The following ROBO2 variants were observed in gnomAD, a reference collection of about 807,000 sequenced individuals.
ROBO2 encodes roundabout homolog 2.
In ROBO2, 53 loss-of-function variants were observed where a neutral mutation model predicts 160.8. That is an observed-to-expected ratio of 0.33 (90% CI 0.26 to 0.41). ROBO2 has a LOEUF of 0.41. ROBO2 is among the 10% of genes least tolerant of loss of function. The pLI is 1.00. For synonymous variants in ROBO2, 664 were observed against 611.7 expected (o/e 1.09, Z -1.26); for missense variants, 1,577 against 1,722.4 (o/e 0.92, Z 1.49).
At chr3:76,520,190 C>T (rs1362280831) in intron 2 of ROBO2, among the ~76,000 whole-genome samples, 1 of 152,164 alleles carries the variant, frequency 6.6e-6, no homozygotes, top group Non-Finnish European at 1.5e-5. Context: ...GTGGCTCATG[C>T]CTGTAATCCC....
intron 2 of ROBO2, among the ~76,000 whole-genome samples, chr3:77,209,917 G>A (rs114269709): frequency 1.1e-3 from 170 of 152,256 alleles, no homozygotes; most frequent in African/African-American, 3.9e-3. Flanking sequence ...TGATTCTAAT[G>A]TGTGGGGATC....
At chr3:76,064,818 A>T (rs1344025872) in intron 2 of ROBO2, among the ~76,000 whole-genome samples, 1 of 152,182 alleles carries the variant, frequency 6.6e-6, no homozygotes, top group Non-Finnish European at 1.5e-5. Context: ...AATAAAAAAG[A>T]GAACTAAATA....
At chr3:76,049,078 T>TG (rs1052031243) in intron 2 of ROBO2, among the ~76,000 whole-genome samples, 6 of 152,124 alleles carry the variant, frequency 3.9e-5, no homozygotes, top group South Asian at 4.1e-4. Context: ...GTCATCTCTT[T>TG]GGGGGAGAGA....
chr3:76,183,753 T>G (rs1701618377), intron 2 of ROBO2, among the ~76,000 whole-genome samples: 1 of 152,124 alleles, frequency 6.6e-6, no homozygotes, highest in African/African-American at 2.4e-5. Context: ...AGGCAGATAT[T>G]ATCATGTTTA....
chr3:77,493,405 A>T, intron 5 of ROBO2, 23 bp downstream of exon 5: 1 of 1,612,566 alleles, frequency 6.2e-7, no homozygotes, highest in Non-Finnish European at 8.5e-7. Flanking sequence ...TATGGATGGA[A>T]GATTGTTAGA....
chr3:76,011,372 C>T (rs2066189879), intron 2 of ROBO2, among the ~76,000 whole-genome samples: 1 of 152,196 alleles, frequency 6.6e-6, no homozygotes, highest in African/African-American at 2.4e-5. Flanking sequence ...AGACATTGTA[C>T]TCAGCACAAT....
intron 2 of ROBO2, among the ~76,000 whole-genome samples, chr3:76,921,186 A>G (rs901203171): frequency 1.3e-5 from 2 of 152,250 alleles, no homozygotes; most frequent in African/African-American, 2.4e-5. Context: ...TATGCCTTCT[A>G]TCATCAGTGA....
At chr3:76,718,677 A>G (rs968026578) in intron 2 of ROBO2, among the ~76,000 whole-genome samples, 3 of 152,314 alleles carry the variant, frequency 2.0e-5, no homozygotes, top group Non-Finnish European at 1.5e-5. Flanking sequence ...ATCTATTACA[A>G]AAACTTTCCT....
intron 2 of ROBO2, among the ~76,000 whole-genome samples, chr3:76,494,217 A>C (rs2080007692): frequency 6.6e-6 from 1 of 152,174 alleles, no homozygotes; most frequent in Admixed American, 6.5e-5. Context: ...AAAATGAAGG[A>C]AGTACTGATT....
At chr3:77,276,213 CAAACAAAAAAAAA>C (rs1365685212) in intron 2 of ROBO2, among the ~76,000 whole-genome samples, 2 of 105,066 alleles carry the variant, frequency 1.9e-5, no homozygotes, top group East Asian at 4.1e-4. Context: ...TAAAAACAAA[CAAACAAAAAAAAA>C]AAACAAAAGA....
chr3:76,449,631 C>A (rs1207621440), intron 2 of ROBO2, among the ~76,000 whole-genome samples: 1 of 152,076 alleles, frequency 6.6e-6, no homozygotes, highest in African/African-American at 2.4e-5. Flanking sequence ...GTATACATAT[C>A]AAAAATCAGT....
intron 2 of ROBO2, among the ~76,000 whole-genome samples, chr3:76,497,512 G>A (rs767653182): frequency 1.3e-5 from 2 of 152,160 alleles, no homozygotes; most frequent in Non-Finnish European, 2.9e-5. Flanking sequence ...CATTTTTAAA[G>A]GGGAATTCTC....
chr3:75,952,415 C>T (rs1948577665), intron 2 of ROBO2, among the ~76,000 whole-genome samples: 1 of 151,950 alleles, frequency 6.6e-6, no homozygotes, highest in South Asian at 2.1e-4. Flanking sequence ...GCATAATTAT[C>T]AGTCACTTAC....
chr3:77,296,532 T>C (rs1157047643), intron 2 of ROBO2, among the ~76,000 whole-genome samples: 1 of 152,134 alleles, frequency 6.6e-6, no homozygotes, highest in Non-Finnish European at 1.5e-5. Context: ...TTCTGTTCTC[T>C]TTTTTTCCTA....
At chr3:76,452,335 A>ACCC (rs1395432872) in intron 2 of ROBO2, among the ~76,000 whole-genome samples, 2 of 150,040 alleles carry the variant, frequency 1.3e-5, no homozygotes, top group African/African-American at 2.4e-5. Context: ...CCTTCCCCCC[A>ACCC]CACAACAGTC....
chr3:76,710,616 G>C (rs1366932366), intron 2 of ROBO2, among the ~76,000 whole-genome samples: 1 of 152,190 alleles, frequency 6.6e-6, no homozygotes, highest in Non-Finnish European at 1.5e-5. Flanking sequence ...AGGTTGAGAA[G>C]TAACTCGTCA....
chr3:77,050,086 T>G (rs753960543), intron 1 of ROBO2, among the ~76,000 whole-genome samples: 1 of 152,196 alleles, frequency 6.6e-6, no homozygotes, highest in Admixed American at 6.5e-5. Context: ...CTTATTTAGA[T>G]ATATCCGATT....
intron 2 of ROBO2, among the ~76,000 whole-genome samples, chr3:76,872,657 T>A (rs1243640686): frequency 1.3e-5 from 2 of 152,072 alleles, no homozygotes; most frequent in Admixed American, 6.5e-5. Context: ...AGAAACTATA[T>A]GGCATCAGGA....
chr3:77,496,485 T>C (rs976947105), intron 5 of ROBO2, among the ~76,000 whole-genome samples: 1 of 152,188 alleles, frequency 6.6e-6, no homozygotes, highest in Admixed American at 6.5e-5. Flanking sequence ...TAGCCAACCG[T>C]AGACTAAATC....
Sources: allele counts gnomAD v4.1 joint callset (sites outside exome capture counted in the v4.1 genomes callset), GRCh38; gene constraint gnomAD v4.1.1; transcripts MANE v1.5; gene names NCBI Gene and HGNC (gene_info 2026-07-23, HGNC 2026-07-21).